MADD: variants seen among roughly 807,000 people sequenced by gnomAD.
MADD encodes the protein MAP kinase activating death domain.
A neutral mutation model predicts 176.7 loss-of-function variants in MADD; 109 were observed. That is an observed-to-expected ratio of 0.62 (90% confidence interval 0.53 to 0.72). The LOEUF (loss-of-function observed/expected upper bound fraction) is 0.72, where lower values mean the gene tolerates loss of function less well. Among genes scored for constraint, MADD ranks in the 30% least tolerant of loss-of-function variants. MADD has a pLI of 0.00. For synonymous variants in MADD, 771 were observed against 771.3 expected, an observed-to-expected ratio of 1.00 and a Z score of 0.01; for missense variants, 1,914 against 2,045.5, an observed-to-expected ratio of 0.94 and a Z score of 1.24.
intron 27 of MADD, among the ~76,000 whole-genome samples, chr11:47,316,230 A>G (rs940830344): frequency 4.6e-5 from 7 of 152,098 alleles, no homozygotes; most frequent in Admixed American, 4.6e-4. Flanking sequence ...ATTGTTCATA[A>G]ATCAGAATAA....
intron 31 of MADD, chr11:47,328,264 AG>A: frequency 8.9e-7 from 1 of 1,125,922 alleles, no homozygotes; most frequent in Non-Finnish European, 1.1e-6. Flanking sequence ...GACACAAGCT[AG>A]AGAGAGCTCT....
At chr11:47,312,433 A>G (rs1204560911) in intron 26 of MADD, among the ~76,000 whole-genome samples, 2 of 151,512 alleles carry the variant, frequency 1.3e-5, no homozygotes, top group African/African-American at 2.4e-5. Context: ...ATATACATAT[A>G]TATTTTTTGA....
At chr11:47,329,214 T>C in exon 33 of MADD, 2 of 1,177,438 alleles carry the variant, frequency 1.7e-6, no homozygotes, top group Non-Finnish European at 2.5e-6. Context: ...TGTTCCCAAG[T>C]GCACGATGCT....
chr11:47,297,510 G>C (rs1443078791), intron 22 of MADD, among the ~76,000 whole-genome samples: 1 of 150,718 alleles, frequency 6.6e-6, no homozygotes, highest in South Asian at 2.1e-4. Flanking sequence ...GCAGTGGTGC[G>C]ATCTCGGCTC....
chr11:47,311,663 T>A, intron 25 of MADD, 69 bp from the exon 29 acceptor site: 2 of 970,130 alleles, frequency 2.1e-6, no homozygotes, highest in Non-Finnish European at 3.3e-6. Context: ...CACTTGTACA[T>A]TCTCTTTTCT....
chr11:47,324,513 C>G (rs2095149996), exon 30 of MADD: 5 of 1,614,026 alleles, frequency 3.1e-6, no homozygotes, highest in South Asian at 1.1e-5. Context: ...GACCTGAAGA[C>G]TGGTGAGGGT....
intron 7 of MADD, among the ~76,000 whole-genome samples, chr11:47,279,935 G>A (rs777223231): frequency 3.3e-5 from 5 of 152,050 alleles, no homozygotes; most frequent in Admixed American, 6.5e-5. Flanking sequence ...GCCGGGCATG[G>A]TGGTGGACGC....
intron 30 of MADD, 56 bp from the exon 35 acceptor site, chr11:47,326,682 G>A (rs2095488479): frequency 6.3e-7 from 1 of 1,595,650 alleles, no homozygotes; most frequent in Non-Finnish European, 8.6e-7. Context: ...AGTGTGCTGT[G>A]TGGGGCAGGG....
At position 47,274,594 on chromosome 11, in the gene MADD, C is replaced by A. The variant is rs771163857; in HGVS notation, c.94C>A (p.Pro32Thr). ...GAGCAGTGATAGCGTGGCCCAGACT[C>A]CTGAATTGCTACGGCGATACCCCTT... The change falls in exon 3 of 33, where the codon CCT becomes ACT. Residue 32 changes from proline to threonine, a missense_variant. Around this residue, in one of 2 missense-constraint regions of MADD, gnomAD observed 1,767 missense variants for 1,836.0 expected, o/e 0.96. Transcript: ENST00000402192. The A allele has an allele frequency of 2.5e-6, 4 of 1,613,998 alleles. No homozygotes were observed. In the Admixed American group the frequency reaches 5.0e-5, roughly 20 times the overall value.
At chr11:47,284,055 A>G (rs942104884) in intron 10 of MADD, 123 bp from the exon 11 acceptor site, 7 of 692,026 alleles carry the variant, frequency 1.0e-5, no homozygotes, top group Admixed American at 6.9e-5. Context: ...TGGCTTCTTT[A>G]TTTGATTTGT....
At chr11:47,297,818 T>C (rs1405621670) in intron 22 of MADD, among the ~76,000 whole-genome samples, 2 of 144,298 alleles carry the variant, frequency 1.4e-5, no homozygotes, top group African/African-American at 2.7e-5. Flanking sequence ...AGATAGAATC[T>C]TGCTCTGTCG....
At chr11:47,322,922 G>A (rs1374870250) in intron 27 of MADD, among the ~76,000 whole-genome samples, 1 of 151,944 alleles carries the variant, frequency 6.6e-6, no homozygotes, top group African/African-American at 2.4e-5. Context: ...AATACTTTAA[G>A]TCCGTAGAGC....
chr11:47,289,036 T>C lies in MADD; in HGVS notation c.2654-355T>C. 3.1e-6 allele frequency: 5 copies of C among 1,591,012 alleles called. No individual in the cohort carries two copies. The highest frequency in any genetic ancestry group is 4.3e-6 in the Non-Finnish European group (5 of 1,173,914). ...CCCCGGGAGTGGTGAAGGTGGGTCTTGCCTGTGAGCTGTGCATGATCTTTT... is the reference window on the plus strand; with the variant it reads ...CCCCGGGAGTGGTGAAGGTGGGTCTCGCCTGTGAGCTGTGCATGATCTTTT... On this transcript the variant is annotated intron_variant, in intron 15 of 32. Coordinates refer to ENST00000402192, the Ensembl canonical transcript of MADD.
At chr11:47,278,404 G>T in intron 6 of MADD, 126 bp downstream of exon 6, 1 of 704,956 alleles carries the variant, frequency 1.4e-6, no homozygotes, top group Admixed American at 2.4e-5. Flanking sequence ...TCTATTGCGA[G>T]ACTTACTGAA....
intron 22 of MADD, among the ~76,000 whole-genome samples, chr11:47,300,905 G>A (rs1170645620): frequency 2.0e-5 from 3 of 151,440 alleles, no homozygotes; most frequent in Admixed American, 6.6e-5. Context: ...AAATTTATCC[G>A]TTTCTAATTT....
At chr11:47,316,822 C>T (rs959263578) in intron 27 of MADD, among the ~76,000 whole-genome samples, 1 of 152,112 alleles carries the variant, frequency 6.6e-6, no homozygotes, top group Admixed American at 6.5e-5. Context: ...CAGCTCACTG[C>T]AACCTCTGCC....
In MADD at chr11:47,284,033, G is replaced by A. The variant is rs2058967436; in HGVS notation, c.1863-145G>A. On this transcript the variant is annotated intron_variant, in intron 10 of 32. Coordinates refer to ENST00000402192, the Ensembl canonical transcript of MADD. The stretch of plus-strand genomic sequence containing the variant: ...CCATATCAGTCTTTATGCTTTGGTT[G>A]ACTGTTTTTCTTGGCTTCTTTATTT... 6.1e-5 allele frequency: 39 copies of A among 638,358 alleles called. 1 individual carries two copies. The highest frequency in any genetic ancestry group is 4.6e-4 in the South Asian group (25 of 53,958). The allele number at this position is 638,358 out of a possible 1,614,324, so 39.5% of individuals were successfully genotyped here. A position where few individuals can be genotyped will look rare whatever the true frequency, so the allele number is the denominator to read the frequency against.
chr11:47,272,245 A>G (rs1288124314), intron 1 of MADD: 1 of 152,194 alleles, frequency 6.6e-6, no homozygotes, highest in Non-Finnish European at 1.5e-5. Flanking sequence ...CAGAGTCGCT[A>G]TAGAGATAAA....
chr11:47,327,693 GGGCTTC>G, intron 31 of MADD: 1 of 985,436 alleles, frequency 1.0e-6, no homozygotes, highest in Non-Finnish European at 1.2e-6. Flanking sequence ...GAATGGCCTG[GGGCTTC>G]TTGCTCTACC....
Sources: gnomAD v4.1 joint callset for allele counts (sites outside exome capture counted in the v4.1 genomes callset) on GRCh38, gnomAD v4.1.1 for gene constraint, gnomAD v4.1.1 regional missense constraint, MANE v1.5 for transcripts, NCBI Gene and HGNC (gene_info 2026-07-23, HGNC 2026-07-21) for gene names.